SH3PXD2A: variants seen among roughly 807,000 people sequenced by gnomAD.
SH3PXD2A encodes the protein SH3 and PX domains 2A.
In SH3PXD2A, 32 loss-of-function variants were observed where a neutral mutation model predicts 115.2. The observed-to-expected ratio is 0.28, with a 90% CI of 0.21 to 0.37. The LOEUF (loss-of-function observed/expected upper bound fraction) is 0.37. Among genes scored for constraint, SH3PXD2A ranks in the 10% least tolerant of loss-of-function variants. The probability of loss-of-function intolerance (pLI) is 1.00; values close to 1 mark genes in which losing one functional copy is unlikely to be tolerated. For synonymous variants in SH3PXD2A, 610 were observed against 629.1 expected, an observed-to-expected ratio of 0.97 and a Z score of 0.45; for missense variants, 1,328 against 1,498.7, an observed-to-expected ratio of 0.89 and a Z score of 1.88.
At chr10:103,840,612 G>T (rs1316968096) in intron 1 of SH3PXD2A, among the ~76,000 whole-genome samples, 1 of 152,214 alleles carries the variant, frequency 6.6e-6, no homozygotes, top group East Asian at 1.9e-4. Flanking sequence ...GAAACAAGAG[G>T]TTTCGCGAAG....
chr10:103,639,399 CAA>C (rs1262092230), intron 8 of SH3PXD2A, among the ~76,000 whole-genome samples: 1 of 151,922 alleles, frequency 6.6e-6, no homozygotes, highest in African/African-American at 2.4e-5. Context: ...ATCACGAGGT[CAA>C]GAGATTGAGA....
intron 1 of SH3PXD2A, among the ~76,000 whole-genome samples, chr10:103,804,848 C>G (rs185761629): frequency 1.3e-5 from 2 of 152,212 alleles, no homozygotes; most frequent in African/African-American, 4.8e-5. Flanking sequence ...TGGGATTTTC[C>G]TGGGGGTTAT....
At chr10:103,675,024 C>T (rs957380687) in intron 6 of SH3PXD2A, among the ~76,000 whole-genome samples, 1 of 152,148 alleles carries the variant, frequency 6.6e-6, no homozygotes, top group African/African-American at 2.4e-5. Context: ...AAGCTTGTTC[C>T]AGGATAAGCA....
intron 9 of SH3PXD2A, among the ~76,000 whole-genome samples, chr10:103,626,874 C>A (rs984118423): frequency 6.6e-6 from 1 of 152,156 alleles, no homozygotes; most frequent in Non-Finnish European, 1.5e-5. Context: ...TCTGAGCCAT[C>A]CCTCAGTTCC....
At chr10:103,638,312 G>A (rs950800356) in intron 8 of SH3PXD2A, among the ~76,000 whole-genome samples, 3 of 152,220 alleles carry the variant, frequency 2.0e-5, no homozygotes, top group Admixed American at 6.5e-5. Context: ...CGTGGAGTCC[G>A]TGTCAAGACA....
In SH3PXD2A at chr10:103,602,088, G is replaced by A. The variant is rs1319313039; in HGVS notation, c.3130C>T (p.Pro1044Ser). The A allele has an allele frequency of 6.3e-7, 1 of 1,599,564 alleles. No individual in the cohort carries two copies. The highest frequency in any genetic ancestry group is 8.5e-7 in the Non-Finnish European group (1 of 1,171,326). Residue 1044 changes from proline (P) to serine (S), a missense_variant, in exon 15 of 15, where the codon CCC becomes TCC. Physicochemically the swap from Pro to Ser is moderately conservative, Grantham distance 74. This residue lies in a region of SH3PXD2A where 574 missense variants were observed against 565.7 expected (regional missense o/e 1.01). Transcript: ENST00000369774. Reference protein sequence around the residue: ...ERAASQGSDSPLLPAQRNSIP... With the variant: ...ERAASQGSDSSLLPAQRNSIP... ...CTGTTGCGCTGGGCGGGCAGTAGGG[G>A]TGAGTCTGAACCCTGGCTGGCAGCC... is the stretch of plus-strand genomic sequence containing the variant.
At chr10:103,634,883 G>A (rs535871513) in intron 8 of SH3PXD2A, among the ~76,000 whole-genome samples, 78 of 152,260 alleles carry the variant, frequency 5.1e-4, no homozygotes, top group African/African-American at 1.8e-3. Context: ...AGGAATGAAT[G>A]GAGCGTATTT....
rs528082578 is a variant in SH3PXD2A, at chr10:103,801,791, C to T, written c.73-429G>A. On this transcript the variant is annotated intron_variant, in intron 1 of 14. Transcript: ENST00000369774. ...TGATCTCGGTTTACCGCAACCTCTG[C>T]CTCCCTGGTTCAAGCAATTCTCCTG... is the stretch of plus-strand genomic sequence containing the variant. Among the ~76,000 whole-genome samples, 7 of 151,652 alleles carry T rather than the reference C, an allele frequency of 4.6e-5. No homozygotes were observed. The East Asian group carries it at 5.8e-4, about 13-fold the overall frequency.
At position 103,595,562 on chromosome 10, in the gene SH3PXD2A, C is replaced by T. The variant is rs1199142855; in HGVS notation, c.*6254G>A. ...CCTTTTGTTCTAAATAATTCTTCCTCCCTCCCTCCCTTTTTTCTCTTTCAC... is the reference window on the plus strand; with the variant it reads ...CCTTTTGTTCTAAATAATTCTTCCTTCCTCCCTCCCTTTTTTCTCTTTCAC... On this transcript the variant is annotated 3_prime_UTR_variant, in exon 15 of 15. Transcript: ENST00000369774. 2 of 152,296 alleles carry T rather than the reference C, an allele frequency of 1.3e-5. No homozygotes were observed. Among genetic ancestry groups the T allele is most frequent in the South Asian group, 2.1e-4 (1 of 4,832 alleles). The allele number at this position is 152,296 out of a possible 1,614,324, so 9.4% of individuals were successfully genotyped here.
intron 3 of SH3PXD2A, among the ~76,000 whole-genome samples, chr10:103,762,053 C>T (rs1470584048): frequency 7.7e-6 from 1 of 130,286 alleles, no homozygotes; most frequent in South Asian, 2.5e-4. Context: ...TACAGAGTCT[C>T]GCTCTGTCAC....
chr10:103,742,579 G>A (rs183886393), intron 3 of SH3PXD2A, among the ~76,000 whole-genome samples: 1 of 152,354 alleles, frequency 6.6e-6, no homozygotes, highest in Non-Finnish European at 1.5e-5. Flanking sequence ...AGTTATGGGA[G>A]AGTCACAGGG....
chr10:103,618,778 G>A (rs1046929264), intron 10 of SH3PXD2A, among the ~76,000 whole-genome samples: 1 of 152,220 alleles, frequency 6.6e-6, no homozygotes, highest in Non-Finnish European at 1.5e-5. Context: ...AGCTGTGACA[G>A]CCACCCCCTG....
At chr10:103,729,747 G>A (rs548889773) in intron 4 of SH3PXD2A, among the ~76,000 whole-genome samples, 7 of 152,318 alleles carry the variant, frequency 4.6e-5, no homozygotes, top group Admixed American at 3.9e-4. Context: ...TGGGTAACTG[G>A]GTCGCGGGGA....
chr10:103,762,045 CAG>C (rs1353377538), intron 3 of SH3PXD2A, among the ~76,000 whole-genome samples: 1 of 79,384 alleles, frequency 1.3e-5, no homozygotes, highest in Non-Finnish European at 2.5e-5. Flanking sequence ...TTTTTTGATA[CAG>C]AGTCTCGCTC....
intron 2 of SH3PXD2A, among the ~76,000 whole-genome samples, chr10:103,767,805 G>GTTTTGTTTTGTTTT (rs1564884151): frequency 4.3e-5 from 4 of 92,632 alleles, no homozygotes; most frequent in Admixed American, 1.1e-4. Context: ...AGGAACAACT[G>GTTTTGTTTTGTTTT]TTTTGTTTTT....
rs370720620 is a variant in SH3PXD2A, at chr10:103,686,197, G to A, written c.427+6831C>T. Among the ~76,000 whole-genome samples the A allele has an allele frequency of 2.0e-4, 30 of 152,202 alleles. 1 individual carries two copies. The highest frequency in any genetic ancestry group is 1.5e-3 in the East Asian group (8 of 5,196). Reference sequence around the variant, plus strand: ...ATGAGGAACATCAACACTTGCCTAAGAGAACAAGCTTGTAACAACACTCTT... The same window carrying A: ...ATGAGGAACATCAACACTTGCCTAAAAGAACAAGCTTGTAACAACACTCTT... On this transcript the variant is annotated intron_variant, in intron 6 of 14. Coordinates refer to ENST00000369774, the MANE Select transcript of SH3PXD2A (RefSeq NM_001394015.1).
At chr10:103,741,411 A>T (rs2038442585) in intron 3 of SH3PXD2A, among the ~76,000 whole-genome samples, 1 of 151,978 alleles carries the variant, frequency 6.6e-6, no homozygotes, top group African/African-American at 2.4e-5. Flanking sequence ...CTTGCCAACC[A>T]CTAGGGCCCT....
chr10:103,670,704 A>C (rs1344363548), intron 6 of SH3PXD2A, among the ~76,000 whole-genome samples: 2 of 152,224 alleles, frequency 1.3e-5, no homozygotes, highest in Non-Finnish European at 2.9e-5. Context: ...GCAAAATCTG[A>C]GGTTACAGCC....
At chr10:103,823,983 C>T (rs1589471785) in intron 1 of SH3PXD2A, among the ~76,000 whole-genome samples, 1 of 152,330 alleles carries the variant, frequency 6.6e-6, no homozygotes, top group East Asian at 1.9e-4. Context: ...TCGAGAGTGT[C>T]CCCTGAGATG....
Sources: allele counts gnomAD v4.1 joint callset (sites outside exome capture counted in the v4.1 genomes callset), GRCh38; gene constraint gnomAD v4.1.1; regional missense constraint gnomAD v4.1.1; transcripts MANE v1.5; gene names NCBI Gene and HGNC (gene_info 2026-07-23, HGNC 2026-07-21).